Variants in ACTR3C observed in about 807,000 individuals in gnomAD.
The protein encoded by ACTR3C is actin related protein 3C.
A neutral mutation model predicts 26.3 loss-of-function variants in ACTR3C; 18 were observed. The ratio of observed to expected loss-of-function variants is 0.68; its 90% CI spans 0.47 to 1.01. The LOEUF is 1.01. Ranked by LOEUF, ACTR3C falls within the 50% of genes least tolerant of loss-of-function variation. The pLI is 0.00. For synonymous variants in ACTR3C, 55 were observed against 94.5 expected (o/e 0.58, Z 2.42); for missense variants, 184 against 250.7 (o/e 0.73, Z 1.80).
At chr7:149,923,760 G>A in the ACTR3C span, among the ~76,000 whole-genome samples, 3 of 152,040 alleles carry the variant, frequency 2.0e-5, no homozygotes, top group South Asian at 4.1e-4. Flanking sequence ...CACTTTAGGA[G>A]GCAGGGGCGG....
At chr7:150,208,147 C>A in the ACTR3C span, among the ~76,000 whole-genome samples, 1 of 152,088 alleles carries the variant, frequency 6.6e-6, no homozygotes, top group African/African-American at 2.4e-5. Flanking sequence ...GAGCTTACTG[C>A]CTTAGAGAGT....
the ACTR3C span, among the ~76,000 whole-genome samples, chr7:150,110,886 T>C: frequency 1.4e-5 from 2 of 141,386 alleles, no homozygotes; most frequent in Non-Finnish European, 3.1e-5. Flanking sequence ...GGGGCGGGGC[T>C]GGCCACTGCG....
At chr7:150,103,829 GAAC>G in the ACTR3C span, among the ~76,000 whole-genome samples, 4 of 151,886 alleles carry the variant, frequency 2.6e-5, no homozygotes. Context: ...TTTCCTTTTA[GAAC>G]AACCATTTCT....
intron 1 of ACTR3C, among the ~76,000 whole-genome samples, chr7:150,296,625 G>C (rs1836761659): frequency 7.2e-6 from 1 of 139,388 alleles, no homozygotes; most frequent in Non-Finnish European, 1.5e-5. Flanking sequence ...CTGGACCTTT[G>C]GGCAAAACGT....
chr7:150,065,131 G>A, the ACTR3C span, among the ~76,000 whole-genome samples: 1 of 151,922 alleles, frequency 6.6e-6, no homozygotes, highest in African/African-American at 2.4e-5. Flanking sequence ...TGGATATCTT[G>A]ATCCCCTGGT....
At chr7:150,073,993 T>G in the ACTR3C span, 1 of 152,280 alleles carries the variant, frequency 6.6e-6, no homozygotes. Flanking sequence ...CAAGGACACT[T>G]GAAGAAGTCA....
chr7:149,956,497 A>G, the ACTR3C span, among the ~76,000 whole-genome samples: 7 of 152,244 alleles, frequency 4.6e-5, no homozygotes, highest in Non-Finnish European at 1.0e-4. Flanking sequence ...GGCATGAACT[A>G]TACTATAGTG....
At chr7:150,041,690 T>A in the ACTR3C span, among the ~76,000 whole-genome samples, 2 of 117,366 alleles carry the variant, frequency 1.7e-5, no homozygotes, top group Non-Finnish European at 3.4e-5. Context: ...AGGGGATAAC[T>A]CTCAGTCCCC....
chr7:150,103,766 G>C, the ACTR3C span, among the ~76,000 whole-genome samples: 13 of 151,858 alleles, frequency 8.6e-5, no homozygotes, highest in African/African-American at 3.2e-4. Context: ...TTCATGATGC[G>C]GGTAACTCCA....
the ACTR3C span, among the ~76,000 whole-genome samples, chr7:150,120,871 CA>C: frequency 6.6e-6 from 1 of 152,108 alleles, no homozygotes; most frequent in Non-Finnish European, 1.5e-5. Context: ...AGCAGCAGAT[CA>C]AAAAACTTAT....
chr7:149,966,064 G>A, the ACTR3C span, among the ~76,000 whole-genome samples: 2,603 of 152,322 alleles, frequency 0.017, 65 homozygotes, highest in African/African-American at 0.059. Context: ...ACCTGGACAT[G>A]TCTGGCTGAG....
At chr7:149,994,490 A>G in the ACTR3C span, among the ~76,000 whole-genome samples, 3 of 152,066 alleles carry the variant, frequency 2.0e-5, no homozygotes, top group African/African-American at 7.2e-5. Flanking sequence ...CCAGCTACTC[A>G]GGAGGCTGAG....
the ACTR3C span, among the ~76,000 whole-genome samples, chr7:150,215,600 C>T: frequency 1.3e-5 from 2 of 152,160 alleles, no homozygotes; most frequent in Non-Finnish European, 2.9e-5. Context: ...AATAACTCAT[C>T]CCTTTTGGCT....
chr7:149,906,412 C>CTTT, the ACTR3C span, among the ~76,000 whole-genome samples: 24 of 72,104 alleles, frequency 3.3e-4, 3 homozygotes, highest in African/African-American at 5.9e-4. Flanking sequence ...GGGTTTGTTT[C>CTTT]TTTTTTTTTT....
At chr7:150,207,728 C>G in the ACTR3C span, among the ~76,000 whole-genome samples, 3 of 152,162 alleles carry the variant, frequency 2.0e-5, no homozygotes, top group African/African-American at 7.2e-5. Flanking sequence ...AAAGAAATGT[C>G]AAATTGTTGA....
chr7:150,256,290 G>C (rs537358912), intron 6 of ACTR3C, among the ~76,000 whole-genome samples: 2 of 152,362 alleles, frequency 1.3e-5, no homozygotes, highest in Non-Finnish European at 1.5e-5. Context: ...TATACACCCA[G>C]TAATGGGACT....
At chr7:150,251,088 A>G (rs1832819848) in intron 6 of ACTR3C, among the ~76,000 whole-genome samples, 1 of 152,230 alleles carries the variant, frequency 6.6e-6, no homozygotes, top group Non-Finnish European at 1.5e-5. Flanking sequence ...CACCTGGCAT[A>G]TAGTAGTCAC....
chr7:149,940,126 G>A, the ACTR3C span, among the ~76,000 whole-genome samples: 155 of 152,074 alleles, frequency 1.0e-3, 2 homozygotes, highest in African/African-American at 3.5e-3. Context: ...ACATTCATGG[G>A]TTATCTATCT....
In ACTR3C at chr7:150,303,586, C is replaced by T. The variant is rs55766917; in HGVS notation, c.-51-8239G>A. 5.5e-3 allele frequency among the ~76,000 whole-genome samples: 844 copies of T among 152,280 alleles called. 2 individuals are homozygous for T. Among genetic ancestry groups the T allele is most frequent in the Middle Eastern group, 0.01 (3 of 294 alleles). On this transcript the variant is annotated intron_variant, in intron 1 of 7. Transcript: ENST00000683684. ...GTTCTCCTGGTTCTTGAATCAAAAT[C>T]GATGTTATTCAGGCCACATCCTTAT...
Sources: allele counts gnomAD v4.1 joint callset (sites outside exome capture counted in the v4.1 genomes callset), GRCh38; gene constraint gnomAD v4.1.1; transcripts MANE v1.5; gene names NCBI Gene and HGNC (gene_info 2026-07-23, HGNC 2026-07-21).